Variants in PTK2B observed in about 807,000 individuals in gnomAD.
PTK2B encodes the protein protein-tyrosine kinase 2-beta.
A neutral mutation model predicts 142.9 loss-of-function variants in PTK2B; 71 were observed. The observed-to-expected ratio is 0.50, with a 90% CI of 0.41 to 0.61. The LOEUF is 0.61. Among genes scored for constraint, PTK2B ranks in the 20% least tolerant of loss-of-function variants. The pLI is 0.00. For synonymous variants in PTK2B, 519 were observed against 503.4 expected (o/e 1.03, Z -0.42); for missense variants, 1,105 against 1,320.4 (o/e 0.84, Z 2.53).
At chr8:27,319,900 T>C (rs887645768) in intron 3 of PTK2B, among the ~76,000 whole-genome samples, 1 of 152,198 alleles carries the variant, frequency 6.6e-6, no homozygotes, top group African/African-American at 2.4e-5. Context: ...CTCTGTACTC[T>C]TCTGTACCAC....
upstream of PTK2B, chr8:27,310,871 G>A (rs1273402755): frequency 1.2e-6 from 2 of 1,612,616 alleles, no homozygotes; most frequent in Admixed American, 1.7e-5. Context: ...GGCCTGGCAG[G>A]AGCAGCACAG....
chr8:27,391,136 A>G (rs1228965126), intron 1 of PTK2B, among the ~76,000 whole-genome samples: 1 of 150,652 alleles, frequency 6.6e-6, no homozygotes, highest in African/African-American at 2.5e-5. Context: ...TCTGGAGTGC[A>G]ATGGTGCAAT....
intron 8 of PTK2B, 33 bp downstream of exon 8, chr8:27,431,049 C>A: frequency 6.3e-7 from 1 of 1,595,384 alleles, no homozygotes; most frequent in Non-Finnish European, 8.6e-7. Context: ...CTCTCCCTGA[C>A]CTGGATTCCA....
At chr8:27,434,273 C>T (rs1412793237) in intron 12 of PTK2B, 141 bp downstream of exon 12, 2 of 1,192,436 alleles carry the variant, frequency 1.7e-6, no homozygotes, top group East Asian at 2.4e-5. Context: ...TGATCTTTCC[C>T]TCCCAATAAA....
At chr8:27,386,904 T>G (rs971619553) in intron 1 of PTK2B, among the ~76,000 whole-genome samples, 3 of 152,060 alleles carry the variant, frequency 2.0e-5, no homozygotes, top group Non-Finnish European at 4.4e-5. Flanking sequence ...ATCACCTACT[T>G]TTTTTTCTGT....
intron 2 of PTK2B, among the ~76,000 whole-genome samples, chr8:27,400,652 A>C (rs905900072): frequency 3.3e-5 from 5 of 152,268 alleles, no homozygotes; most frequent in African/African-American, 1.2e-4. Flanking sequence ...GAAGGAGAAA[A>C]GGATGACTCA....
At chr8:27,372,057 C>T (rs1311498527) in intron 1 of PTK2B, among the ~76,000 whole-genome samples, 1 of 152,182 alleles carries the variant, frequency 6.6e-6, no homozygotes, top group Admixed American at 6.5e-5. Flanking sequence ...TGCTTAACCC[C>T]ATGCCTGATA....
intron 1 of PTK2B, among the ~76,000 whole-genome samples, chr8:27,378,990 G>A (rs925023890): frequency 6.6e-6 from 1 of 152,130 alleles, no homozygotes; most frequent in South Asian, 2.1e-4. Context: ...ACTCACATCC[G>A]ACACGGGGGA....
At chr8:27,384,582 A>T (rs1807226218) in intron 1 of PTK2B, among the ~76,000 whole-genome samples, 1 of 152,254 alleles carries the variant, frequency 6.6e-6, no homozygotes. Context: ...CACTACAAAC[A>T]CAAGAAAAGG....
intron 1 of PTK2B, among the ~76,000 whole-genome samples, chr8:27,361,973 T>C (rs1327822592): frequency 3.9e-5 from 6 of 152,186 alleles, no homozygotes; most frequent in African/African-American, 1.4e-4. Flanking sequence ...ACACTCTATG[T>C]GTTCAAAGGT....
chr8:27,383,055 G>A (rs975248904), intron 1 of PTK2B, among the ~76,000 whole-genome samples: 2 of 152,142 alleles, frequency 1.3e-5, no homozygotes, highest in African/African-American at 4.8e-5. Flanking sequence ...GATTCTACAT[G>A]AACTTTAAGA....
intron 2 of PTK2B, among the ~76,000 whole-genome samples, chr8:27,415,927 G>T (rs538073427): frequency 5.9e-4 from 90 of 152,210 alleles, no homozygotes; most frequent in Non-Finnish European, 2.8e-4. Flanking sequence ...TGTATTACAG[G>T]CATCAATGCT....
intron 14 of PTK2B, 105 bp from the exon 15 acceptor site, chr8:27,436,146 G>A (rs1398888177): frequency 9.3e-7 from 1 of 1,077,718 alleles, no homozygotes; most frequent in African/African-American, 1.6e-5. Context: ...TGGCTGAGGT[G>A]TTATAGATCT....
intron 10 of PTK2B, 115 bp from the exon 11 acceptor site, chr8:27,433,320 C>T (rs1205311091): frequency 2.3e-6 from 2 of 858,588 alleles, no homozygotes; most frequent in African/African-American, 3.4e-5. Flanking sequence ...GTGCAGACAG[C>T]ATTGGCATCC....
At chr8:27,451,340 A>G in intron 26 of PTK2B, 145 bp from the exon 27 acceptor site, 5 of 1,363,586 alleles carry the variant, frequency 3.7e-6, no homozygotes, top group Non-Finnish European at 5.0e-6. Context: ...ACATTGGGTC[A>G]CGAGCTGCTC....
At chr8:27,432,458 G>A in intron 10 of PTK2B, 97 bp downstream of exon 10, 2 of 1,114,656 alleles carry the variant, frequency 1.8e-6, no homozygotes, top group South Asian at 1.4e-5. Context: ...TGACACACAG[G>A]AAGCCAGGAG....
intron 1 of PTK2B, among the ~76,000 whole-genome samples, chr8:27,385,697 A>G (rs921993089): frequency 1.3e-5 from 2 of 152,186 alleles, no homozygotes; most frequent in African/African-American, 4.8e-5. Context: ...GTTCAAGACC[A>G]GCCTGGCCAA....
At chr8:27,390,711 TC>T (rs1807664692) in intron 1 of PTK2B, among the ~76,000 whole-genome samples, 1 of 152,180 alleles carries the variant, frequency 6.6e-6, no homozygotes, top group Admixed American at 6.5e-5. Context: ...TTTCTAATTC[TC>T]TCTTCTTCCA....
At position 27,422,610 on chromosome 8, in the gene PTK2B, A is replaced by G. The variant is rs533807311; in HGVS notation, c.551+227A>G. Among the ~76,000 whole-genome samples the G allele has an allele frequency of 4.6e-5, 7 of 152,256 alleles. No individual in the cohort carries two copies. The East Asian group carries it at 1.2e-3, about 25-fold the overall frequency. Reference sequence around the variant, plus strand: ...CCCTAGTCTCACTCTCCTGGCTTCCATTGCTGCCACTGCTCTTGCCTGCAG... The same window carrying G: ...CCCTAGTCTCACTCTCCTGGCTTCCGTTGCTGCCACTGCTCTTGCCTGCAG... On this transcript the variant is annotated intron_variant, in intron 5 of 30. Transcript: ENST00000346049.
Sources: gnomAD v4.1 joint callset for allele counts (sites outside exome capture counted in the v4.1 genomes callset) on GRCh38, gnomAD v4.1.1 for gene constraint, MANE v1.5 for transcripts, NCBI Gene and HGNC (gene_info 2026-07-23, HGNC 2026-07-21) for gene names.